Variants in BLOC1S6 observed in about 807,000 individuals in gnomAD.
The protein encoded by BLOC1S6 is biogenesis of lysosomal organelles complex 1 subunit 6.
Under a neutral mutation model 24.7 loss-of-function variants are expected in BLOC1S6, and 24 were observed. The ratio of observed to expected loss-of-function variants is 0.97; its 90% CI spans 0.70 to 1.37. The LOEUF (loss-of-function observed/expected upper bound fraction) is 1.37. Ranked by LOEUF, BLOC1S6 falls within the 40% of genes most tolerant of loss-of-function variation. The pLI is 0.00. For synonymous variants in BLOC1S6, 76 were observed against 72.6 expected, an observed-to-expected ratio of 1.05 and a Z score of -0.23; for missense variants, 175 against 196.2, an observed-to-expected ratio of 0.89 and a Z score of 0.64.
chr15:45,605,437 G>T lies in BLOC1S6; in HGVS notation c.322G>T (p.Ala108Ser). Reference sequence around the variant, plus strand: ...ATTTTTCCATGTTAAGTTTGCTGAGGCTAAACACTATCATGCCAAGTTGGT... The same window carrying T: ...ATTTTTCCATGTTAAGTTTGCTGAGTCTAAACACTATCATGCCAAGTTGGT... ...MLDINALFAE[A>S]KHYHAKLVNI... The change falls in exon 4 of 5, where the codon GCT becomes TCT. Residue 108 changes from alanine (A) to serine (S), a missense_variant. Ala to Ser is a moderately conservative substitution (Grantham distance 99). Transcript: ENST00000220531. The T allele has an allele frequency of 6.2e-7, 1 of 1,610,508 alleles. No individual in the cohort carries two copies. Among genetic ancestry groups the T allele is most frequent in the Non-Finnish European group, 8.5e-7 (1 of 1,177,460 alleles).
In BLOC1S6 at chr15:45,607,862, T is replaced by TA. The variant is rs1423777545; in HGVS notation, c.*1351dup. On this transcript the variant is annotated 3_prime_UTR_variant, in exon 5 of 5. Coordinates refer to ENST00000220531, the MANE Select transcript of BLOC1S6 (RefSeq NM_012388.4). ...AATTACAGGGATGGTGAAAAATTAG[T>TA]AAATAGCTTCACAAAAGAGGCAGCG... is the stretch of plus-strand genomic sequence containing the variant. 2.0e-5 allele frequency: 3 copies of TA among 152,208 alleles called. No homozygotes were observed. Among genetic ancestry groups the TA allele is most frequent in the Admixed American group, 6.5e-5 (1 of 15,286 alleles). 9.4% of individuals were successfully genotyped at this position (152,208 alleles called of 1,614,324 possible). A position where few individuals can be genotyped will look rare whatever the true frequency, so the allele number is the denominator to read the frequency against.
In BLOC1S6 at chr15:45,606,261, A is replaced by T. The variant is rs373308697; in HGVS notation, c.400-134A>T. On this transcript the variant is annotated intron_variant, in intron 4 of 4. Transcript: ENST00000220531. ...AATCAAAGGGACCTTAAATTATCCC[A>T]AATTTAAATGTCCAAGATGAAGTTT... The T allele has an allele frequency of 2.7e-5, 36 of 1,314,752 alleles. No homozygotes were observed. In the African/African-American group the frequency reaches 3.7e-4, roughly 14 times the overall value. 81.4% of individuals were successfully genotyped at this position (1,314,752 alleles called of 1,614,324 possible).
At chr15:45,591,366 A>T (rs1481818707) in intron 1 of BLOC1S6, among the ~76,000 whole-genome samples, 1 of 152,194 alleles carries the variant, frequency 6.6e-6, no homozygotes, top group Non-Finnish European at 1.5e-5. Flanking sequence ...TGAAAGCAAG[A>T]ATGCTTTAGT....
In BLOC1S6 at chr15:45,609,435, A is replaced by C. The variant is rs1342548118; in HGVS notation, c.*2921A>C. The stretch of plus-strand genomic sequence containing the variant: ...AAAATAGTGAATTGGTACTTGGGAG[A>C]CTTCTGTTCTTTGTTGAAAAAAATT... On this transcript the variant is annotated 3_prime_UTR_variant, in exon 5 of 5. Coordinates refer to ENST00000220531, the MANE Select transcript of BLOC1S6 (RefSeq NM_012388.4). 6.6e-6 allele frequency: 1 copy of C among 152,116 alleles called. No individual in the cohort carries two copies. Among genetic ancestry groups the C allele is most frequent in the Non-Finnish European group, 1.5e-5 (1 of 68,016 alleles). The allele number at this position is 152,116 out of a possible 1,614,324, so 9.4% of individuals were successfully genotyped here.
intron 1 of BLOC1S6, among the ~76,000 whole-genome samples, chr15:45,589,861 A>G (rs1893819851): frequency 6.6e-6 from 1 of 152,180 alleles, no homozygotes; most frequent in Non-Finnish European, 1.5e-5. Context: ...ACAAACAAAC[A>G]AAAAATGAGT....
chr15:45,593,497 A>AT (rs916715027), intron 2 of BLOC1S6, among the ~76,000 whole-genome samples: 2 of 151,642 alleles, frequency 1.3e-5, no homozygotes, highest in Non-Finnish European at 1.5e-5. Context: ...CCCAAACAAG[A>AT]TTTTTTTTAT....
intron 2 of BLOC1S6, among the ~76,000 whole-genome samples, chr15:45,594,636 T>G (rs1893999962): frequency 6.6e-6 from 1 of 152,166 alleles, no homozygotes; most frequent in African/African-American, 2.4e-5. Context: ...CAGGTTGGAG[T>G]GCAGTGGTGG....
At chr15:45,604,574 T>C (rs1664700631) in intron 3 of BLOC1S6, among the ~76,000 whole-genome samples, 1 of 152,190 alleles carries the variant, frequency 6.6e-6, no homozygotes, top group Admixed American at 6.5e-5. Flanking sequence ...TTTTTTCTTC[T>C]CTTAGTCAAG....
chr15:45,587,279 G>A, upstream of BLOC1S6: 4 of 708,270 alleles, frequency 5.6e-6, no homozygotes, highest in East Asian at 2.7e-5. Context: ...CCATGGGGCA[G>A]AGCCAACTCT....
rs565363666 is a variant in BLOC1S6, at chr15:45,587,672, A to G, written c.82+147A>G. 4.4e-5 allele frequency: 36 copies of G among 815,022 alleles called. No homozygotes were observed. In the African/African-American group the frequency reaches 5.3e-4, roughly 12 times the overall value. The allele number at this position is 815,022 out of a possible 1,614,324, so 50.5% of individuals were successfully genotyped here. A position where few individuals can be genotyped will look rare whatever the true frequency, so the allele number is the denominator to read the frequency against. On this transcript the variant is annotated intron_variant, in intron 1 of 4. Transcript: ENST00000220531. ...CCCTGCCCCGAGTGCAGAAATGGGG[A>G]ACCGCGCCGGCCCCTCTGCCCAGCG...
chr15:45,608,435 G>A lies in BLOC1S6; in HGVS notation c.*1921G>A, dbSNP rs1736080043. ...TATAATATGATATCTGACAAAGGTA[G>A]TACAGCGTTTCTGAGTCATTTGGGA... On this transcript the variant is annotated 3_prime_UTR_variant, in exon 5 of 5. Transcript: ENST00000220531. 6.6e-6 allele frequency: 1 copy of A among 152,242 alleles called. No homozygotes were observed. The highest frequency in any genetic ancestry group is 6.5e-5 in the Admixed American group (1 of 15,278). 9.4% of individuals were successfully genotyped at this position (152,242 alleles called of 1,614,324 possible).
rs929994921 is a variant in BLOC1S6 at position 45,596,688 on chromosome 15, G to GTT, written c.224+4421_224+4422dup. Among the ~76,000 whole-genome samples, 5 of 143,442 alleles carry GTT rather than the reference G, an allele frequency of 3.5e-5. No individual in the cohort carries two copies. In the East Asian group the frequency reaches 6.3e-4, roughly 18 times the overall value. The allele number at this position is 143,442 out of a possible 152,430, so 94.1% of individuals were successfully genotyped here. A position where few individuals can be genotyped will look rare whatever the true frequency, so the allele number is the denominator to read the frequency against. ...TAGCTTTTTGTTGTTGTCATTGTTT[G>GTT]TTTTTTTTTTGAGACAGGGTCTCAC... On this transcript the variant is annotated intron_variant, in intron 2 of 4. Coordinates refer to ENST00000220531, the MANE Select transcript of BLOC1S6 (RefSeq NM_012388.4).
intron 2 of BLOC1S6, chr15:45,597,888 T>TA: frequency 2.6e-6 from 1 of 383,096 alleles, no homozygotes; most frequent in South Asian, 1.9e-5. Context: ...AGCTTGGACT[T>TA]AAAGTATGAT....
At chr15:45,590,267 C>A (rs1595551659) in intron 1 of BLOC1S6, among the ~76,000 whole-genome samples, 1 of 151,346 alleles carries the variant, frequency 6.6e-6, no homozygotes, top group East Asian at 1.9e-4. Context: ...TTAGCTCTTA[C>A]CTATTTGAAT....
Position 45,608,178 on chromosome 15 carries a change from T to A in BLOC1S6, c.*1664T>A, listed in dbSNP as rs1894547373. The A allele has an allele frequency of 6.6e-6, 1 of 152,670 alleles. No homozygotes were observed. The highest frequency in any genetic ancestry group is 1.5e-5 in the Non-Finnish European group (1 of 68,048). 9.5% of individuals were successfully genotyped at this position (152,670 alleles called of 1,614,324 possible). On this transcript the variant is annotated 3_prime_UTR_variant, in exon 5 of 5. Coordinates refer to ENST00000220531, the MANE Select transcript of BLOC1S6 (RefSeq NM_012388.4). ...CGATAGAGAAAGCATTAGGTTTAAG[T>A]TGAGGGCTAAGAACTGGTTTGTTTA...
At chr15:45,600,225 A>C (rs1894224163) in intron 2 of BLOC1S6, among the ~76,000 whole-genome samples, 1 of 149,212 alleles carries the variant, frequency 6.7e-6, no homozygotes, top group Admixed American at 6.7e-5. Flanking sequence ...AGATATACCT[A>C]ATGCTAGATG....
chr15:45,607,013 A>G lies in BLOC1S6; in HGVS notation c.*499A>G, dbSNP rs1894491967. On this transcript the variant is annotated 3_prime_UTR_variant, in exon 5 of 5. Transcript: ENST00000220531. ...AGAGGTAAACCTTTTGAACAGTTGAATTTCATCAGAAGCTCTATAGCTTTT... is the reference window on the plus strand; with the variant it reads ...AGAGGTAAACCTTTTGAACAGTTGAGTTTCATCAGAAGCTCTATAGCTTTT... 1 of 155,692 alleles carries G rather than the reference A, an allele frequency of 6.4e-6. No homozygotes were observed. Among genetic ancestry groups the G allele is most frequent in the African/African-American group, 2.4e-5 (1 of 41,482 alleles). 9.6% of individuals were successfully genotyped at this position (155,692 alleles called of 1,614,324 possible).
chr15:45,603,250 C>G, intron 3 of BLOC1S6, 63 bp downstream of exon 3: 1 of 1,020,904 alleles, frequency 9.8e-7, no homozygotes, highest in Non-Finnish European at 1.5e-6. Context: ...TAAGACTTAG[C>G]TAAGCAATAG....
intron 3 of BLOC1S6, among the ~76,000 whole-genome samples, chr15:45,604,880 A>C (rs1238973011): frequency 6.6e-6 from 1 of 152,002 alleles, no homozygotes; most frequent in Non-Finnish European, 1.5e-5. Flanking sequence ...TGTACTTAAG[A>C]CTCCTCAAGA....
Sources: allele counts gnomAD v4.1 joint callset (sites outside exome capture counted in the v4.1 genomes callset), GRCh38; gene constraint gnomAD v4.1.1; transcripts MANE v1.5; gene names NCBI Gene and HGNC (gene_info 2026-07-23, HGNC 2026-07-21).